Variants in AGMO observed in about 807,000 individuals in gnomAD.
AGMO encodes alkylglycerol monooxygenase, also known as glyceryl-ether monooxygenase.
Under a neutral mutation model 60.2 loss-of-function variants are expected in AGMO, and 75 were observed. The observed-to-expected ratio is 1.25, with a 90% CI of 1.03 to 1.51. The LOEUF (loss-of-function observed/expected upper bound fraction) is 1.51. Ranked by LOEUF, AGMO falls within the 40% of genes most tolerant of loss-of-function variation. AGMO has a pLI of 0.00. For synonymous variants in AGMO, 261 were observed against 177.1 expected (o/e 1.47, Z -3.76); for missense variants, 763 against 525.5 (o/e 1.45, Z -4.42).
At chr7:15,136,480 ACT>A in the AGMO span, among the ~76,000 whole-genome samples, 1 of 145,244 alleles carries the variant, frequency 6.9e-6, no homozygotes, top group African/African-American at 2.5e-5. Context: ...GCATTGGTTG[ACT>A]CTAACATCTG....
At chr7:15,278,330 G>A (rs76354296) in intron 12 of AGMO, among the ~76,000 whole-genome samples, 3,833 of 152,194 alleles carry the variant, frequency 0.025, 160 homozygotes, top group African/African-American at 0.088. Flanking sequence ...CTTAGGACCC[G>A]GGGAGAGTGG....
intron 12 of AGMO, among the ~76,000 whole-genome samples, chr7:15,278,200 C>A (rs995854428): frequency 3.9e-5 from 6 of 152,158 alleles, no homozygotes; most frequent in African/African-American, 1.4e-4. Context: ...TGTGGCTCAT[C>A]TGATCTCCAA....
At chr7:15,420,055 T>C (rs1489788242) in intron 4 of AGMO, among the ~76,000 whole-genome samples, 3 of 152,106 alleles carry the variant, frequency 2.0e-5, no homozygotes, top group Admixed American at 2.0e-4. Context: ...GAGAAAAATA[T>C]GAAACAACTT....
intron 3 of AGMO, among the ~76,000 whole-genome samples, chr7:15,474,401 T>A (rs1211670629): frequency 2.0e-5 from 3 of 151,964 alleles, no homozygotes; most frequent in African/African-American, 7.3e-5. Context: ...ACACCACACA[T>A]CTACAACCAT....
chr7:15,313,626 A>G (rs1225728656), intron 12 of AGMO, among the ~76,000 whole-genome samples: 1 of 152,122 alleles, frequency 6.6e-6, no homozygotes, highest in East Asian at 1.9e-4. Flanking sequence ...ATAAGAGGAG[A>G]TAGAGTAAAC....
chr7:15,343,486 T>C (rs1781930891), intron 12 of AGMO, among the ~76,000 whole-genome samples: 1 of 152,158 alleles, frequency 6.6e-6, no homozygotes, highest in African/African-American at 2.4e-5. Context: ...AGTTAAAAGA[T>C]TTTTTAGTAC....
chr7:15,269,699 A>T (rs941385240), intron 12 of AGMO, among the ~76,000 whole-genome samples: 3 of 152,036 alleles, frequency 2.0e-5, no homozygotes, highest in African/African-American at 7.2e-5. Context: ...CTTCTAGTGT[A>T]TCCGTCAGCC....
At chr7:15,462,111 T>C (rs1464511423) in intron 3 of AGMO, among the ~76,000 whole-genome samples, 2 of 152,078 alleles carry the variant, frequency 1.3e-5, no homozygotes, top group Non-Finnish European at 2.9e-5. Flanking sequence ...TGCATGATGC[T>C]GTAGGTCCAT....
chr7:15,549,119 G>C (rs2115292732), intron 2 of AGMO, among the ~76,000 whole-genome samples: 1 of 148,492 alleles, frequency 6.7e-6, no homozygotes, highest in Non-Finnish European at 1.5e-5. Context: ...CAAATGCTGA[G>C]AGATTTTGTC....
chr7:15,297,174 T>A (rs1352012506), intron 12 of AGMO, among the ~76,000 whole-genome samples: 2 of 152,112 alleles, frequency 1.3e-5, no homozygotes, highest in African/African-American at 4.8e-5. Flanking sequence ...TAACCCTTTC[T>A]TAGCTGTTTT....
chr7:15,409,152 T>C (rs2128491911), intron 5 of AGMO, among the ~76,000 whole-genome samples: 1 of 146,064 alleles, frequency 6.8e-6, no homozygotes, highest in East Asian at 1.9e-4. Context: ...CAATAGAACA[T>C]CACCGAAGTA....
chr7:15,542,270 C>A (rs1028493540), intron 3 of AGMO, among the ~76,000 whole-genome samples: 1 of 152,060 alleles, frequency 6.6e-6, no homozygotes, highest in Non-Finnish European at 1.5e-5. Context: ...GGCTCCATAG[C>A]CTGAAGGTTG....
At chr7:15,344,659 C>G (rs1781970740) in intron 12 of AGMO, among the ~76,000 whole-genome samples, 1 of 152,144 alleles carries the variant, frequency 6.6e-6, no homozygotes, top group Non-Finnish European at 1.5e-5. Context: ...GATGGTACCA[C>G]TGCACTCCAG....
At chr7:15,138,375 G>T in the AGMO span, among the ~76,000 whole-genome samples, 1 of 152,164 alleles carries the variant, frequency 6.6e-6, no homozygotes, top group African/African-American at 2.4e-5. Context: ...TAAGCACAAA[G>T]CATGTAATGT....
chr7:15,505,152 C>T (rs1032358040), intron 3 of AGMO, among the ~76,000 whole-genome samples: 3 of 151,914 alleles, frequency 2.0e-5, no homozygotes, highest in African/African-American at 7.2e-5. Flanking sequence ...CAAACTACTA[C>T]ATTTTTTCAT....
At chr7:15,499,253 C>T (rs190493390) in intron 3 of AGMO, among the ~76,000 whole-genome samples, 1 of 151,942 alleles carries the variant, frequency 6.6e-6, no homozygotes, top group East Asian at 1.9e-4. Context: ...GTCAATCTTA[C>T]CTCAATAAAG....
chr7:15,289,262 T>A (rs1237080895), intron 12 of AGMO, among the ~76,000 whole-genome samples: 1 of 122,768 alleles, frequency 8.1e-6, no homozygotes, highest in Non-Finnish European at 1.7e-5. Context: ...TTACACGAAA[T>A]AAATTTATTT....
At chr7:15,381,919 G>C (rs1312809933) in intron 10 of AGMO, among the ~76,000 whole-genome samples, 1 of 152,038 alleles carries the variant, frequency 6.6e-6, no homozygotes, top group Non-Finnish European at 1.5e-5. Context: ...ACTAACACAG[G>C]AACAGAAAAC....
the AGMO span, among the ~76,000 whole-genome samples, chr7:15,177,674 T>G: frequency 6.6e-6 from 1 of 152,108 alleles, no homozygotes; most frequent in Non-Finnish European, 1.5e-5. Context: ...TCTTACTCGG[T>G]AGAATAGAAG....
Sources: allele counts gnomAD v4.1 joint callset (sites outside exome capture counted in the v4.1 genomes callset), GRCh38; gene constraint gnomAD v4.1.1; transcripts MANE v1.5; gene names NCBI Gene and HGNC (gene_info 2026-07-23, HGNC 2026-07-21).